The following MARCHF8 variants were observed in gnomAD, a reference collection of about 807,000 sequenced individuals.
MARCHF8 encodes E3 ubiquitin-protein ligase MARCHF8.
MARCHF8 carries 40 observed loss-of-function variants against 51.6 expected under a neutral mutation model. The observed-to-expected ratio is 0.77, with a 90% CI of 0.60 to 1.01. The LOEUF is 1.01. MARCHF8 is among the 50% of genes least tolerant of loss of function. The probability of loss-of-function intolerance (pLI) is 0.00; values close to 1 mark genes in which losing one functional copy is unlikely to be tolerated. For missense variants in MARCHF8, 685 were observed against 708.6 expected (o/e 0.97, Z 0.38); for synonymous variants, 263 against 280.3 (o/e 0.94, Z 0.62).
chr10:45,521,747 A>C (rs2133237255), intron 2 of MARCHF8, among the ~76,000 whole-genome samples: 1 of 152,352 alleles, frequency 6.6e-6, no homozygotes, highest in East Asian at 1.9e-4. Flanking sequence ...CGGCAAGCAT[A>C]ATCTTTTATT....
intron 3 of MARCHF8, among the ~76,000 whole-genome samples, chr10:45,476,084 C>A (rs2042782128): frequency 6.6e-6 from 1 of 152,206 alleles, no homozygotes; most frequent in Non-Finnish European, 1.5e-5. Flanking sequence ...TCTCCTACAA[C>A]AGCAAATTAA....
intron 3 of MARCHF8, 54 bp from the exon 4 acceptor site, chr10:45,464,381 G>T: frequency 1.4e-6 from 2 of 1,463,682 alleles, no homozygotes; most frequent in Non-Finnish European, 1.9e-6. Context: ...GGGATTGTGT[G>T]CACTGTCTCC....
intron 2 of MARCHF8, among the ~76,000 whole-genome samples, chr10:45,494,992 T>C (rs1191662304): frequency 2.6e-5 from 4 of 152,064 alleles, no homozygotes; most frequent in Admixed American, 6.6e-5. Context: ...TGGTGGCACA[T>C]GCCTGTAATG....
intron 2 of MARCHF8, among the ~76,000 whole-genome samples, chr10:45,504,115 T>C (rs548268827): frequency 6.6e-6 from 1 of 152,288 alleles, no homozygotes; most frequent in South Asian, 2.1e-4. Context: ...AAAAGGGTGA[T>C]TTAATGGTAT....
intron 3 of MARCHF8, among the ~76,000 whole-genome samples, chr10:45,473,753 C>T (rs2042736784): frequency 6.6e-6 from 1 of 152,168 alleles, no homozygotes; most frequent in Non-Finnish European, 1.5e-5. Context: ...AAAGTACTCA[C>T]ATGAACAGCC....
chr10:45,490,943 G>C (rs913577799), intron 2 of MARCHF8, among the ~76,000 whole-genome samples: 1 of 152,098 alleles, frequency 6.6e-6, no homozygotes, highest in Admixed American at 6.5e-5. Flanking sequence ...TGTCACCCAG[G>C]CTAGAGTGCA....
chr10:45,556,700 T>C (rs1250020658), intron 1 of MARCHF8, among the ~76,000 whole-genome samples: 1 of 152,218 alleles, frequency 6.6e-6, no homozygotes, highest in East Asian at 1.9e-4. Flanking sequence ...TCAAGTCCCT[T>C]ATTTCTCTGA....
chr10:45,593,758 T>C (rs2044706555), intron 1 of MARCHF8: 1 of 152,226 alleles, frequency 6.6e-6, no homozygotes, highest in African/African-American at 2.4e-5. Flanking sequence ...CCCCGAAGTA[T>C]GGTATGTGAG....
At chr10:45,464,023 C>CAGAAAGTAAAA in intron 4 of MARCHF8, 27 bp from the exon 5 acceptor site, 1 of 1,512,054 alleles carries the variant, frequency 6.6e-7, no homozygotes. Context: ...GGGATAAAAG[C>CAGAAAGTAAAA]ACAGAAAGTA....
chr10:45,504,385 G>A (rs113970147), intron 2 of MARCHF8, among the ~76,000 whole-genome samples: 3,721 of 152,238 alleles, frequency 0.024, 150 homozygotes, highest in African/African-American at 0.084. Context: ...CGGAGGTTGC[G>A]GTGAGCCGAG....
chr10:45,481,549 T>A (rs2042887279), intron 3 of MARCHF8, among the ~76,000 whole-genome samples: 1 of 152,206 alleles, frequency 6.6e-6, no homozygotes, highest in Non-Finnish European at 1.5e-5. Flanking sequence ...CTTGTGGTAG[T>A]GAATAAGTCT....
chr10:45,541,441 G>C (rs2044051190), intron 1 of MARCHF8, among the ~76,000 whole-genome samples: 1 of 152,058 alleles, frequency 6.6e-6, no homozygotes, highest in East Asian at 1.9e-4. Flanking sequence ...GCTAGGGGAG[G>C]GATAGCATTA....
chr10:45,573,040 G>T (rs1385713375), intron 1 of MARCHF8, among the ~76,000 whole-genome samples: 1 of 152,064 alleles, frequency 6.6e-6, no homozygotes, highest in Non-Finnish European at 1.5e-5. Context: ...GCATAGTAAA[G>T]GTTAATGCTC....
intron 2 of MARCHF8, among the ~76,000 whole-genome samples, chr10:45,514,268 T>C (rs563358838): frequency 6.6e-6 from 1 of 152,268 alleles, no homozygotes; most frequent in South Asian, 2.1e-4. Context: ...GTCTGTTCCA[T>C]AAAGCCTAAT....
At chr10:45,578,583 G>C (rs1221966208) in intron 1 of MARCHF8, among the ~76,000 whole-genome samples, 1 of 152,156 alleles carries the variant, frequency 6.6e-6, no homozygotes, top group Admixed American at 6.6e-5. Context: ...GTGAAAGTTT[G>C]ATGAGGAACA....
intron 3 of MARCHF8, among the ~76,000 whole-genome samples, chr10:45,475,869 A>C (rs1308608755): frequency 6.6e-6 from 1 of 152,164 alleles, no homozygotes; most frequent in East Asian, 1.9e-4. Context: ...GGGACCAAGG[A>C]CAGGCCAACC....
intron 2 of MARCHF8, among the ~76,000 whole-genome samples, chr10:45,491,989 T>G (rs1218688020): frequency 6.6e-6 from 1 of 152,262 alleles, no homozygotes; most frequent in African/African-American, 2.4e-5. Flanking sequence ...GAGGGAGAAC[T>G]ACCTGCTAAC....
chr10:45,522,166 A>T (rs1286274769), intron 2 of MARCHF8, among the ~76,000 whole-genome samples: 1 of 152,194 alleles, frequency 6.6e-6, no homozygotes, highest in Non-Finnish European at 1.5e-5. Flanking sequence ...CTGCATATTA[A>T]TTTAATAAAA....
chr10:45,461,203 G>A, intron 6 of MARCHF8, 28 bp downstream of exon 6: 1 of 1,437,208 alleles, frequency 7.0e-7, no homozygotes, highest in Non-Finnish European at 9.2e-7. Flanking sequence ...GTTTCAGGAA[G>A]GGTGAAGCAT....
Sources: gnomAD v4.1 joint callset for allele counts (sites outside exome capture counted in the v4.1 genomes callset) on GRCh38, gnomAD v4.1.1 for gene constraint, MANE v1.5 for transcripts, NCBI Gene and HGNC (gene_info 2026-07-23, HGNC 2026-07-21) for gene names.